Variants in EBF1 observed in about 807,000 individuals in gnomAD.
The protein encoded by EBF1 is EBF transcription factor 1.
Under a neutral mutation model 68.4 loss-of-function variants are expected in EBF1, and 10 were observed. The ratio of observed to expected loss-of-function variants is 0.15; its 90% CI spans 0.09 to 0.25. The LOEUF is 0.25. Ranked by LOEUF, EBF1 falls within the 10% of genes least tolerant of loss-of-function variation. The probability of loss-of-function intolerance (pLI) is 1.00; values close to 1 mark genes in which losing one functional copy is unlikely to be tolerated. For synonymous variants in EBF1, 298 were observed against 299.8 expected (o/e 0.99, Z 0.06); for missense variants, 509 against 794.4 (o/e 0.64, Z 4.32).
chr5:158,821,936 TAATA>T (rs1390081007), intron 8 of EBF1, among the ~76,000 whole-genome samples: 2 of 152,098 alleles, frequency 1.3e-5, no homozygotes, highest in African/African-American at 4.8e-5. Flanking sequence ...TCTGGCTAAT[TAATA>T]AAAAGTACAG....
intron 2 of EBF1, chr5:159,096,654 GCTCGTGC>G (rs1217467511): frequency 1.6e-6 from 1 of 609,200 alleles, no homozygotes; most frequent in Non-Finnish European, 2.9e-6. Context: ...GGGCCTAGGG[GCTCGTGC>G]CCCGGCCACC....
At chr5:159,018,563 C>T (rs533298909) in intron 6 of EBF1, among the ~76,000 whole-genome samples, 1 of 152,166 alleles carries the variant, frequency 6.6e-6, no homozygotes, top group Non-Finnish European at 1.5e-5. Flanking sequence ...TTCCAGCACA[C>T]ATAGTTGAAA....
intron 6 of EBF1, among the ~76,000 whole-genome samples, chr5:159,057,624 A>G (rs927139677): frequency 6.6e-6 from 1 of 152,186 alleles, no homozygotes; most frequent in African/African-American, 2.4e-5. Flanking sequence ...AACCAGAGCC[A>G]GGGACTTGGC....
intron 6 of EBF1, among the ~76,000 whole-genome samples, chr5:159,042,862 A>G (rs1480892955): frequency 1.6e-5 from 1 of 63,104 alleles, no homozygotes; most frequent in East Asian, 7.5e-4. Flanking sequence ...ATTCACAGTA[A>G]AAAAAAAAAA....
chr5:159,096,197 G>A (rs1338120487), intron 3 of EBF1, 146 bp downstream of exon 3: 1 of 864,460 alleles, frequency 1.2e-6, no homozygotes, highest in Non-Finnish European at 1.7e-6. Context: ...AAACCTCCTG[G>A]GGCGAAATTT....
chr5:159,011,784 C>G (rs1764712625), intron 6 of EBF1, among the ~76,000 whole-genome samples: 1 of 152,194 alleles, frequency 6.6e-6, no homozygotes, highest in African/African-American at 2.4e-5. Flanking sequence ...AGAACAAAAT[C>G]TGGTTCTAAA....
At position 158,969,904 on chromosome 5, in the gene EBF1, G is replaced by GAAAGA. The variant is rs1554093887; in HGVS notation, c.554+103487_554+103491dup. On this transcript the variant is annotated intron_variant, in intron 6 of 15. Coordinates refer to ENST00000313708, the MANE Select transcript of EBF1 (RefSeq NM_024007.5). The stretch of plus-strand genomic sequence containing the variant: ...AGAAAGAAAGAAAGAAAGAAAGAAA[G>GAAAGA]AAAGAAAGAAAGAAAAAAAAAAAAA... Among the ~76,000 whole-genome samples, 449 of 105,686 alleles carry GAAAGA rather than the reference G, an allele frequency of 4.2e-3. 12 individuals carry two copies. The highest frequency in any genetic ancestry group is 0.011 in the Admixed American group (101 of 9,218). The allele number at this position is 105,686 out of a possible 152,430, so 69.3% of individuals were successfully genotyped here.
intron 6 of EBF1, among the ~76,000 whole-genome samples, chr5:158,977,268 T>TA (rs1756962451): frequency 6.6e-6 from 1 of 152,152 alleles, no homozygotes; most frequent in South Asian, 2.1e-4. Context: ...CTTATTGATT[T>TA]AAAAATAATG....
At chr5:158,813,765 T>C (rs950410649) in intron 8 of EBF1, among the ~76,000 whole-genome samples, 4 of 152,210 alleles carry the variant, frequency 2.6e-5, no homozygotes, top group African/African-American at 4.8e-5. Context: ...GAGCTTGGTT[T>C]TAATTTATTT....
chr5:158,939,753 G>A (rs1273519470), intron 6 of EBF1, among the ~76,000 whole-genome samples: 1 of 150,718 alleles, frequency 6.6e-6, no homozygotes, highest in African/African-American at 2.4e-5. Flanking sequence ...TGCTTTCCGG[G>A]CGGGGGTGGG....
chr5:158,992,277 C>G (rs1760491003), intron 6 of EBF1, among the ~76,000 whole-genome samples: 1 of 149,682 alleles, frequency 6.7e-6, no homozygotes, highest in Non-Finnish European at 1.5e-5. Flanking sequence ...CTGTACTGTG[C>G]TCATGTAGCA....
At chr5:159,001,874 T>A (rs1762608897) in intron 6 of EBF1, among the ~76,000 whole-genome samples, 2 of 152,126 alleles carry the variant, frequency 1.3e-5, no homozygotes, top group Non-Finnish European at 2.9e-5. Context: ...TGGGAGAAAA[T>A]TCTATCATTT....
chr5:158,963,384 A>G (rs1753443259), intron 6 of EBF1, among the ~76,000 whole-genome samples: 1 of 152,264 alleles, frequency 6.6e-6, no homozygotes, highest in East Asian at 1.9e-4. Context: ...CATCTCCTAC[A>G]TTGGATGACA....
intron 6 of EBF1, among the ~76,000 whole-genome samples, chr5:159,025,569 GC>G (rs1767564787): frequency 6.6e-6 from 1 of 152,074 alleles, no homozygotes; most frequent in Non-Finnish European, 1.5e-5. Flanking sequence ...ATTAACCCTT[GC>G]TGGTATTTGA....
chr5:158,833,654 G>A (rs1788098390), intron 7 of EBF1, among the ~76,000 whole-genome samples: 1 of 152,174 alleles, frequency 6.6e-6, no homozygotes, highest in South Asian at 2.1e-4. Flanking sequence ...AAGACAGCAG[G>A]GTTCTGTAGA....
At chr5:159,053,603 T>TCACACA (rs576102189) in intron 6 of EBF1, among the ~76,000 whole-genome samples, 54 of 145,358 alleles carry the variant, frequency 3.7e-4, no homozygotes, top group South Asian at 1.1e-3. Context: ...TCTCTCTCTC[T>TCACACA]CTCACACACA....
intron 6 of EBF1, among the ~76,000 whole-genome samples, chr5:158,925,262 T>G (rs898272536): frequency 1.3e-5 from 2 of 152,314 alleles, no homozygotes; most frequent in East Asian, 3.9e-4. Flanking sequence ...ACATATCACT[T>G]TTATCTTATT....
intron 6 of EBF1, among the ~76,000 whole-genome samples, chr5:158,930,266 T>TG (rs1810573153): frequency 2.7e-5 from 3 of 110,282 alleles, no homozygotes; most frequent in African/African-American, 8.1e-5. Context: ...TTTTGTTTTT[T>TG]TTTTTGTTTG....
chr5:158,764,245 T>C (rs1772153449), intron 10 of EBF1, among the ~76,000 whole-genome samples: 1 of 152,080 alleles, frequency 6.6e-6, no homozygotes, highest in Non-Finnish European at 1.5e-5. Flanking sequence ...CTAAGGAAAA[T>C]ATATGTAGTG....
Sources: allele counts gnomAD v4.1 joint callset (sites outside exome capture counted in the v4.1 genomes callset), GRCh38; gene constraint gnomAD v4.1.1; transcripts MANE v1.5; gene names NCBI Gene and HGNC (gene_info 2026-07-23, HGNC 2026-07-21).